Variants in ATP12A observed in about 807,000 individuals in gnomAD.
ATP12A encodes the protein ATPase H+/K+ transporting non-gastric alpha2 subunit.
Under a neutral mutation model 111.2 loss-of-function variants are expected in ATP12A, and 81 were observed. The ratio of observed to expected loss-of-function variants is 0.73; its 90% CI spans 0.61 to 0.88. ATP12A has a LOEUF of 0.88. Ranked by LOEUF, ATP12A falls within the 40% of genes least tolerant of loss-of-function variation. The pLI, the probability that ATP12A is intolerant of heterozygous loss-of-function variation, is 0.00. For synonymous variants in ATP12A, 498 were observed against 499.8 expected, an observed-to-expected ratio of 1.00 and a Z score of 0.05; for missense variants, 1,196 against 1,313.1, an observed-to-expected ratio of 0.91 and a Z score of 1.38.
rs755329459 is a variant in ATP12A, at chr13:24,690,624, G to C, written c.702G>C (p.Thr234=). ...QGCRVDNSSL[T]GESEPQPRSS... is the part of the protein sequence containing the mutation. ...TCTAGGTGGATAACTCATCTCTCAC[G>C]GGGGAGTCTGAGCCCCAGCCCCGCT... The change falls in exon 7 of 23, where the codon ACG becomes ACC. Residue 234 remains threonine (T), a synonymous_variant. Transcript: ENST00000381946. 34 of 1,612,330 alleles carry C rather than the reference G, an allele frequency of 2.1e-5. No homozygotes were observed. In the South Asian group the frequency reaches 2.3e-4, roughly 11 times the overall value.
chr13:24,701,377 T>C (rs1173155463), intron 13 of ATP12A, among the ~76,000 whole-genome samples: 3 of 151,626 alleles, frequency 2.0e-5, no homozygotes, highest in Admixed American at 1.3e-4. Flanking sequence ...GGCACACACC[T>C]GTAATCCCAG....
chr13:24,706,514 G>T (rs1875650301), intron 15 of ATP12A, 51 bp downstream of exon 15: 1 of 1,594,804 alleles, frequency 6.3e-7, no homozygotes, highest in Non-Finnish European at 8.5e-7. Flanking sequence ...ACTGTCCATG[G>T]GCAAGTGCAG....
At chr13:24,694,669 G>A (rs1301162828) in intron 11 of ATP12A, 91 bp downstream of exon 11, 2 of 1,580,148 alleles carry the variant, frequency 1.3e-6, no homozygotes, top group Non-Finnish European at 8.6e-7. Context: ...TATTTTGAAG[G>A]ATACCTGGCT....
rs1386521585 is a variant in ATP12A at position 24,702,035 on chromosome 13, A to G, written c.1982A>G (p.His661Arg). The G allele has an allele frequency of 9.3e-6, 15 of 1,614,110 alleles. No homozygotes were observed. Among genetic ancestry groups the G allele is most frequent in the Non-Finnish European group, 1.3e-5 (15 of 1,180,048 alleles). ...ANSETVEDIA[H>R]RLNIAVEQVN... ...AGTGAAACAGTGGAAGACATTGCAC[A>G]TCGCCTCAACATTGCTGTGGAGCAA... The change falls in exon 14 of 23, where the codon CAT becomes CGT. Residue 661 changes from histidine (H) to arginine (R), a missense_variant. This residue lies in a region of ATP12A where 1,126 missense variants were observed against 1,228.5 expected (regional missense o/e 0.92). Coordinates refer to ENST00000381946, the MANE Select transcript of ATP12A (RefSeq NM_001676.7).
At position 24,688,476 on chromosome 13, in the gene ATP12A, C is replaced by T; in HGVS notation, c.386C>T (p.Ala129Val). Reference sequence around the variant, plus strand: ...GTGGGCGCCTTTCTCTGTTGGATTGCATATGGGATTCAGTACTCCAGCGAC... The same window carrying T: ...GTGGGCGCCTTTCTCTGTTGGATTGTATATGGGATTCAGTACTCCAGCGAC... The part of the protein sequence containing the change: ...LWVGAFLCWI[A>V]YGIQYSSDKS... The change falls in exon 4 of 23, where the codon GCA becomes GTA. Residue 129 changes from alanine (A) to valine (V), a missense_variant. By Grantham distance (64) the Ala-to-Val change is moderately conservative. Coordinates refer to ENST00000381946, the MANE Select transcript of ATP12A (RefSeq NM_001676.7). 6.2e-7 allele frequency: 1 copy of T among 1,612,652 alleles called. No individual in the cohort carries two copies. The highest frequency in any genetic ancestry group is 8.5e-7 in the Non-Finnish European group (1 of 1,179,102).
At chr13:24,704,173 C>T (rs540539228) in intron 14 of ATP12A, among the ~76,000 whole-genome samples, 269 of 152,066 alleles carry the variant, frequency 1.8e-3, no homozygotes, top group Non-Finnish European at 3.2e-3. Context: ...AGTTTTTGTA[C>T]TTTTAGTAGA....
At chr13:24,705,031 C>A (rs1402696359) in intron 14 of ATP12A, among the ~76,000 whole-genome samples, 1 of 152,108 alleles carries the variant, frequency 6.6e-6, no homozygotes, top group South Asian at 2.1e-4. Context: ...TTTTTGCCAG[C>A]GGTTAAGGAG....
chr13:24,702,174 A>C, intron 14 of ATP12A, 103 bp downstream of exon 14: 2 of 1,452,524 alleles, frequency 1.4e-6, no homozygotes, highest in Non-Finnish European at 1.9e-6. Flanking sequence ...TTTTGCTCTC[A>C]GAGTTATGCT....
At chr13:24,691,351 C>T in intron 8 of ATP12A, 101 bp downstream of exon 8, 1 of 1,386,982 alleles carries the variant, frequency 7.2e-7, no homozygotes, top group Non-Finnish European at 9.6e-7. Flanking sequence ...AAGTCCAGAG[C>T]ACCACGCCCT....
intron 12 of ATP12A, 66 bp from the exon 13 acceptor site, chr13:24,700,681 T>G: frequency 6.7e-7 from 1 of 1,485,422 alleles, no homozygotes. Flanking sequence ...ATGAGCATGT[T>G]CTCCTCTTAT....
Position 24,689,254 on chromosome 13 carries a change from T to C in ATP12A, c.433-8T>C. ...GTTTCTCTGACTGACGCCCTCCTTC[T>C]CACCCAGGTGTACTTGGGCTGTGTG... is the stretch of plus-strand genomic sequence containing the variant. On this transcript the variant is annotated splice_region_variant and splice_polypyrimidine_tract_variant and intron_variant, in intron 4 of 22. Transcript: ENST00000381946. 1 of 1,612,950 alleles carries C rather than the reference T, an allele frequency of 6.2e-7. No individual in the cohort carries two copies. The highest frequency in any genetic ancestry group is 8.5e-7 in the Non-Finnish European group (1 of 1,178,980).
At chr13:24,698,915 G>A in intron 12 of ATP12A, 65 bp downstream of exon 12, 1 of 1,573,860 alleles carries the variant, frequency 6.4e-7, no homozygotes, top group Non-Finnish European at 8.6e-7. Context: ...GGCGCCTTGA[G>A]GACCTGTGAC....
At chr13:24,710,966 G>C (rs1875942950) in intron 21 of ATP12A, 73 bp downstream of exon 21, 3 of 1,363,144 alleles carry the variant, frequency 2.2e-6, no homozygotes, top group Non-Finnish European at 3.1e-6. Flanking sequence ...AAATAAACCT[G>C]AGGATTCCCA....
chr13:24,703,068 G>T (rs554683046), intron 14 of ATP12A, among the ~76,000 whole-genome samples: 7 of 152,270 alleles, frequency 4.6e-5, no homozygotes, highest in African/African-American at 1.2e-4. Context: ...ACCAACCAGG[G>T]TTCCCGCCTC....
intron 3 of ATP12A, 134 bp from the exon 4 acceptor site, chr13:24,688,185 T>G: frequency 1.0e-6 from 1 of 966,400 alleles, no homozygotes; most frequent in Non-Finnish European, 1.5e-6. Flanking sequence ...CGGTCTGCTT[T>G]TCTCGGGACC....
chr13:24,693,606 T>G (rs1247660973), intron 10 of ATP12A, among the ~76,000 whole-genome samples: 1 of 152,264 alleles, frequency 6.6e-6, no homozygotes, highest in Non-Finnish European at 1.5e-5. Context: ...TGGCTGGCTG[T>G]GTGCTTCCGC....
intron 7 of ATP12A, 42 bp downstream of exon 7, chr13:24,690,763 C>T (rs1874859657): frequency 5.1e-6 from 8 of 1,559,228 alleles, no homozygotes; most frequent in Non-Finnish European, 7.0e-6. Context: ...CCACCTGTGT[C>T]CTTTCTCCCT....
chr13:24,705,175 G>A (rs575830283), intron 14 of ATP12A, among the ~76,000 whole-genome samples: 1 of 152,338 alleles, frequency 6.6e-6, no homozygotes, highest in East Asian at 1.9e-4. Context: ...TTTAAGCTGA[G>A]ATTTGAAGGC....
At chr13:24,699,597 A>G (rs1164956768) in intron 12 of ATP12A, among the ~76,000 whole-genome samples, 14 of 152,214 alleles carry the variant, frequency 9.2e-5, no homozygotes, top group Non-Finnish European at 2.1e-4. Flanking sequence ...AATGTTTAAA[A>G]ATGATTAAGC....
Sources: gnomAD v4.1 joint callset for allele counts (sites outside exome capture counted in the v4.1 genomes callset) on GRCh38, gnomAD v4.1.1 for gene constraint, gnomAD v4.1.1 regional missense constraint, MANE v1.5 for transcripts, NCBI Gene and HGNC (gene_info 2026-07-23, HGNC 2026-07-21) for gene names.